Variants in OSTN observed in about 807,000 individuals in gnomAD.
OSTN encodes the protein osteocrin.
In OSTN, 9 loss-of-function variants were observed where a neutral mutation model predicts 12.0. That is an observed-to-expected ratio of 0.75 (90% CI 0.45 to 1.30). The LOEUF (loss-of-function observed/expected upper bound fraction) is 1.30, where lower values mean the gene tolerates loss of function less well. Among genes scored for constraint, OSTN ranks in the 50% most tolerant of loss-of-function variants. The probability of loss-of-function intolerance (pLI) is 0.00; values close to 1 mark genes in which losing one functional copy is unlikely to be tolerated. For synonymous variants in OSTN, 59 were observed against 56.9 expected (o/e 1.04, Z -0.16); for missense variants, 148 against 152.3 (o/e 0.97, Z 0.15).
At chr3:191,259,797 TTTAA>T (rs1033647141) in intron 4 of OSTN, among the ~76,000 whole-genome samples, 2 of 151,810 alleles carry the variant, frequency 1.3e-5, no homozygotes, top group African/African-American at 4.8e-5. Context: ...ATTTTTGCCC[TTTAA>T]TTTAGTCAAG....
chr3:191,256,627 CT>C (rs200599634), intron 4 of OSTN, among the ~76,000 whole-genome samples: 1,913 of 141,736 alleles, frequency 0.013, 24 homozygotes, highest in African/African-American at 0.031. Context: ...CTCTCTCCTC[CT>C]TTTTTTTTTT....
chr3:191,250,209 C>A, intron 4 of OSTN, 76 bp downstream of exon 4: 2 of 1,135,978 alleles, frequency 1.8e-6, no homozygotes, highest in Non-Finnish European at 1.3e-6. Flanking sequence ...TCAATCCATT[C>A]TTGCTTATAA....
At chr3:191,254,300 C>T (rs1321755606) in intron 4 of OSTN, among the ~76,000 whole-genome samples, 1 of 152,254 alleles carries the variant, frequency 6.6e-6, no homozygotes. Context: ...AATGCAATGG[C>T]AATATGCCAG....
intron 4 of OSTN, among the ~76,000 whole-genome samples, chr3:191,260,556 C>G (rs9816351): frequency 0.25 from 38,140 of 152,052 alleles, 5,521 homozygotes; most frequent in Middle Eastern, 0.39. Context: ...CGGCATTAAC[C>G]AGGCAACAAC....
chr3:191,225,668 T>G (rs1378333008), intron 3 of OSTN, among the ~76,000 whole-genome samples: 1 of 152,134 alleles, frequency 6.6e-6, no homozygotes, highest in African/African-American at 2.4e-5. Context: ...AATTATGTTC[T>G]TTGCAGCTAC....
chr3:191,236,682 C>T (rs1383985530), intron 3 of OSTN, among the ~76,000 whole-genome samples: 4 of 152,104 alleles, frequency 2.6e-5, no homozygotes, highest in Admixed American at 6.6e-5. Flanking sequence ...TACTCTTAAA[C>T]TAAGAATACT....
intron 3 of OSTN, among the ~76,000 whole-genome samples, chr3:191,230,562 CAA>C (rs35542147): frequency 1.3e-3 from 48 of 36,438 alleles, no homozygotes; most frequent in African/African-American, 3.6e-3. Flanking sequence ...GACTCCGTCT[CAA>C]AAAAAAAAAA....
chr3:191,203,941 G>T (rs1714209926), intron 1 of OSTN, among the ~76,000 whole-genome samples: 1 of 152,174 alleles, frequency 6.6e-6, no homozygotes, highest in South Asian at 2.1e-4. Flanking sequence ...AAGCTGGAGT[G>T]CAATGGCGCA....
At chr3:191,232,331 TAAA>T (rs61313474) in intron 3 of OSTN, among the ~76,000 whole-genome samples, 34 of 67,480 alleles carry the variant, frequency 5.0e-4, no homozygotes, top group African/African-American at 2.9e-3. Flanking sequence ...AGACTCTGTC[TAAA>T]AAAAAAAAAA....
chr3:191,262,611 CTT>C (rs1354736717), intron 4 of OSTN, among the ~76,000 whole-genome samples: 1 of 152,258 alleles, frequency 6.6e-6, no homozygotes, highest in Non-Finnish European at 1.5e-5. Context: ...GTGAAAAAGA[CTT>C]TTTATAATTT....
chr3:191,213,691 A>G (rs1714524548), intron 2 of OSTN, among the ~76,000 whole-genome samples: 1 of 152,014 alleles, frequency 6.6e-6, no homozygotes, highest in South Asian at 2.1e-4. Flanking sequence ...TATTAGAAAC[A>G]TGTTCTTTGT....
At chr3:191,234,198 T>A (rs1715130819) in intron 3 of OSTN, among the ~76,000 whole-genome samples, 1 of 152,212 alleles carries the variant, frequency 6.6e-6, no homozygotes, top group African/African-American at 2.4e-5. Flanking sequence ...GAAATGCTAT[T>A]GGGTTAGGGT....
chr3:191,221,711 G>A (rs1250541641), intron 3 of OSTN, among the ~76,000 whole-genome samples: 1 of 152,156 alleles, frequency 6.6e-6, no homozygotes, highest in African/African-American at 2.4e-5. Context: ...TGATGATGCA[G>A]TAGAAAAGAA....
At chr3:191,242,730 A>G (rs184145145) in intron 3 of OSTN, among the ~76,000 whole-genome samples, 117 of 152,308 alleles carry the variant, frequency 7.7e-4, no homozygotes, top group African/African-American at 2.7e-3. Context: ...TGAAATGTAA[A>G]AGGCAAAACT....
intron 4 of OSTN, among the ~76,000 whole-genome samples, chr3:191,259,013 C>A (rs554424900): frequency 6.6e-6 from 1 of 152,028 alleles, no homozygotes; most frequent in Non-Finnish European, 1.5e-5. Context: ...AGGTTGCCTA[C>A]GACGCTTAAA....
At chr3:191,232,331 T>TAAAAAAAAAAAAAAAAAAAAAAAAA (rs61313474) in intron 3 of OSTN, among the ~76,000 whole-genome samples, 2 of 67,490 alleles carry the variant, frequency 3.0e-5, no homozygotes, top group African/African-American at 1.8e-4. Flanking sequence ...AGACTCTGTC[T>TAAAAAAAAAAAAAAAAAAAAAAAAA]AAAAAAAAAA....
chr3:191,201,093 TTTTA>T (rs922002225), intron 1 of OSTN, among the ~76,000 whole-genome samples: 55 of 152,258 alleles, frequency 3.6e-4, no homozygotes, highest in Middle Eastern at 3.4e-3. Context: ...AGGCTTCATT[TTTTA>T]TTTATTTATT....
In OSTN at chr3:191,264,636, T is replaced by C. The variant is rs6444530; in HGVS notation, c.*1783T>C. On this transcript the variant is annotated 3_prime_UTR_variant, in exon 5 of 5. Coordinates refer to ENST00000682035, the MANE Select transcript of OSTN (RefSeq NM_198184.2). ...GAGTTGAAAGAATTATTTAAGAAGT[T>C]GTGATATCCTTGTCTGCCTTTCCCC... 0.53 allele frequency: 80,285 copies of C among 151,940 alleles called. 21,932 individuals carry two copies. The highest frequency in any genetic ancestry group is 0.59 in the Non-Finnish European group (39,745 of 67,866). 9.4% of individuals were successfully genotyped at this position (151,940 alleles called of 1,614,324 possible). A position where few individuals can be genotyped will look rare whatever the true frequency, so the allele number is the denominator to read the frequency against.
At chr3:191,258,374 A>G (rs1283852876) in intron 4 of OSTN, among the ~76,000 whole-genome samples, 2 of 152,208 alleles carry the variant, frequency 1.3e-5, no homozygotes, top group Admixed American at 1.3e-4. Flanking sequence ...ATATGAAAAA[A>G]GTGGATGCAG....
Sources: allele counts gnomAD v4.1 joint callset (sites outside exome capture counted in the v4.1 genomes callset), GRCh38; gene constraint gnomAD v4.1.1; transcripts MANE v1.5; gene names NCBI Gene and HGNC (gene_info 2026-07-23, HGNC 2026-07-21).